AQP9: variants seen among roughly 807,000 people sequenced by gnomAD.
The protein encoded by AQP9 is aquaporin 9, also known as aquaporin-9.
Under a neutral mutation model 23.8 loss-of-function variants are expected in AQP9, and 19 were observed. The observed-to-expected ratio is 0.80, with a 90% CI of 0.56 to 1.17. AQP9 has a LOEUF of 1.17. AQP9 is among the 50% of genes most tolerant of loss of function. AQP9 has a pLI of 0.00. For missense variants in AQP9, 413 were observed against 362.0 expected (o/e 1.14, Z -1.14); for synonymous variants, 153 against 131.5 (o/e 1.16, Z -1.12).
intron 2 of AQP9, among the ~76,000 whole-genome samples, chr15:58,172,576 C>A (rs1477584233): frequency 1.3e-5 from 2 of 152,190 alleles, no homozygotes; most frequent in African/African-American, 4.8e-5. Flanking sequence ...CCTCAGCAAC[C>A]CACAGTCATT....
At chr15:58,152,794 C>T (rs1421286814) in intron 1 of AQP9, 1 of 152,138 alleles carries the variant, frequency 6.6e-6, no homozygotes, top group East Asian at 1.9e-4. Flanking sequence ...ATAATTATCT[C>T]AAACTGACAG....
chr15:58,176,705 G>A (rs1898765211), intron 4 of AQP9, among the ~76,000 whole-genome samples: 1 of 151,264 alleles, frequency 6.6e-6, no homozygotes, highest in Non-Finnish European at 1.5e-5. Context: ...CCACCTCCCA[G>A]GTTCAAGCAA....
At chr15:58,176,821 G>C (rs1305315021) in intron 4 of AQP9, among the ~76,000 whole-genome samples, 1 of 151,938 alleles carries the variant, frequency 6.6e-6, no homozygotes, top group Non-Finnish European at 1.5e-5. Flanking sequence ...ATGTTGGCCA[G>C]ACTGGTCTCG....
chr15:58,173,786 C>A (rs908518253), intron 3 of AQP9, among the ~76,000 whole-genome samples: 16 of 152,202 alleles, frequency 1.1e-4, no homozygotes, highest in African/African-American at 3.6e-4. Flanking sequence ...ATCTGACTAG[C>A]CTCAGTTTCC....
intron 1 of AQP9, among the ~76,000 whole-genome samples, chr15:58,156,659 C>A (rs1016160206): frequency 1.1e-4 from 16 of 152,200 alleles, no homozygotes; most frequent in African/African-American, 3.9e-4. Flanking sequence ...TCACTTAACA[C>A]CCTCCTCTTA....
At chr15:58,177,046 G>T (rs1182166308) in intron 4 of AQP9, among the ~76,000 whole-genome samples, 2 of 152,286 alleles carry the variant, frequency 1.3e-5, no homozygotes, top group South Asian at 4.2e-4. Flanking sequence ...GTAACCGTCA[G>T]CAAACCCTGA....
intron 2 of AQP9, among the ~76,000 whole-genome samples, chr15:58,172,660 A>G (rs1898649483): frequency 6.6e-6 from 1 of 152,194 alleles, no homozygotes; most frequent in Non-Finnish European, 1.5e-5. Context: ...TGCTAGATAT[A>G]GATTTAAATC....
In AQP9 at chr15:58,141,249, C is replaced by G. The variant is rs572882624; in HGVS notation, c.111+2573C>G. On this transcript the variant is annotated intron_variant, in intron 1 of 5. Coordinates refer to ENST00000219919, the MANE Select transcript of AQP9 (RefSeq NM_020980.5). ...TACTCTATATATTCTCCTCTCTCTT[C>G]AAACTTTTCAGGATTCTTTGATACA... is the stretch of plus-strand genomic sequence containing the variant. Among the ~76,000 whole-genome samples, 8 of 152,298 alleles carry G rather than the reference C, an allele frequency of 5.3e-5. No homozygotes were observed. In the East Asian group the frequency reaches 1.5e-3, roughly 29 times the overall value.
In AQP9 at chr15:58,168,751, C is replaced by G. The variant is rs555128345; in HGVS notation, c.238+1952C>G. 7.2e-5 allele frequency among the ~76,000 whole-genome samples: 11 copies of G among 152,272 alleles called. No homozygotes were observed. The South Asian group carries it at 2.3e-3, about 32-fold the overall frequency. On this transcript the variant is annotated intron_variant, in intron 2 of 5. Transcript: ENST00000219919. Reference sequence around the variant, plus strand: ...GATCCCAGCACTCTACTGCTTAACTCAAGGCAAACTCCAAGAAGGGCACAA... The same window carrying G: ...GATCCCAGCACTCTACTGCTTAACTGAAGGCAAACTCCAAGAAGGGCACAA...
intron 1 of AQP9, chr15:58,153,892 G>A (rs553483367): frequency 2.8e-4 from 43 of 152,046 alleles, no homozygotes; most frequent in African/African-American, 9.4e-4. Context: ...GGACAACCTC[G>A]CTTCACAACT....
chr15:58,182,785 AG>A (rs1205100723), intron 5 of AQP9, among the ~76,000 whole-genome samples: 1 of 152,148 alleles, frequency 6.6e-6, no homozygotes, highest in Non-Finnish European at 1.5e-5. Context: ...CAACCCTGCA[AG>A]GGCAATGGAG....
chr15:58,185,879 C>A lies in AQP9; in HGVS notation c.*1744C>A, dbSNP rs1169557366. 6.6e-6 allele frequency: 1 copy of A among 151,984 alleles called. No individual in the cohort carries two copies. The highest frequency in any genetic ancestry group is 2.4e-5 in the African/African-American group (1 of 41,356). The allele number at this position is 151,984 out of a possible 1,614,324, so 9.4% of individuals were successfully genotyped here. A position where few individuals can be genotyped will look rare whatever the true frequency, so the allele number is the denominator to read the frequency against. ...TTGCTTTGAAGCTACCTGGATATTT[C>A]CTATTTGAAATAAAATTGTTCGGTC... is the stretch of plus-strand genomic sequence containing the variant. On this transcript the variant is annotated 3_prime_UTR_variant, in exon 6 of 6. Coordinates refer to ENST00000219919, the MANE Select transcript of AQP9 (RefSeq NM_020980.5).
chr15:58,167,473 G>A (rs1898534232), intron 2 of AQP9, among the ~76,000 whole-genome samples: 1 of 152,142 alleles, frequency 6.6e-6, no homozygotes. Context: ...AGAAGAAAGG[G>A]AACTGAGAAA....
In AQP9 at chr15:58,169,092, GGAA is replaced by G. The variant is rs1369487217; in HGVS notation, c.238+2301_238+2303del. Among the ~76,000 whole-genome samples, 3 of 152,294 alleles carry G rather than the reference GGAA, an allele frequency of 2.0e-5. No homozygotes were observed. The East Asian group carries it at 5.8e-4, about 29-fold the overall frequency. ...GAGGAAAAAAGGGAAAGAACCAGCA[GGAA>G]GAAGAAGGAGTGAAGAAAAGGTGTG... On this transcript the variant is annotated intron_variant, in intron 2 of 5. Coordinates refer to ENST00000219919, the MANE Select transcript of AQP9 (RefSeq NM_020980.5).
chr15:58,162,425 T>C (rs1187393385), intron 1 of AQP9, among the ~76,000 whole-genome samples: 1 of 152,184 alleles, frequency 6.6e-6, no homozygotes, highest in Non-Finnish European at 1.5e-5. Flanking sequence ...TCCAACTTCA[T>C]GTAAGGAAGG....
chr15:58,181,780 T>G (rs531899291), intron 5 of AQP9, among the ~76,000 whole-genome samples: 7 of 152,246 alleles, frequency 4.6e-5, no homozygotes, highest in Admixed American at 4.6e-4. Context: ...CATCATCCTA[T>G]AAGACTGATT....
In AQP9 at chr15:58,185,186, C is replaced by T. The variant is rs1335863526; in HGVS notation, c.*1051C>T. On this transcript the variant is annotated 3_prime_UTR_variant, in exon 6 of 6. Transcript: ENST00000219919. ...CTATGTGAGGCAAATGCCACATTGC[C>T]CATTTTTCAGATAAAGAAACAAAAT... 1.3e-5 allele frequency: 2 copies of T among 152,420 alleles called. No individual in the cohort carries two copies. 9.4% of individuals were successfully genotyped at this position (152,420 alleles called of 1,614,324 possible).
At chr15:58,147,532 G>T (rs1281481292) in intron 1 of AQP9, among the ~76,000 whole-genome samples, 1 of 152,188 alleles carries the variant, frequency 6.6e-6, no homozygotes, top group Non-Finnish European at 1.5e-5. Flanking sequence ...CCAGCAAAGT[G>T]TGCCGGCCCT....
At chr15:58,149,748 G>C (rs553687038) in intron 1 of AQP9, among the ~76,000 whole-genome samples, 4 of 152,222 alleles carry the variant, frequency 2.6e-5, no homozygotes, top group Non-Finnish European at 2.9e-5. Flanking sequence ...GGTTTGCAGA[G>C]AGTGCTGTGC....
Sources: gnomAD v4.1 joint callset for allele counts (sites outside exome capture counted in the v4.1 genomes callset) on GRCh38, gnomAD v4.1.1 for gene constraint, MANE v1.5 for transcripts, NCBI Gene and HGNC (gene_info 2026-07-23, HGNC 2026-07-21) for gene names.